Variants in EML6 observed in about 807,000 individuals in gnomAD.
EML6 encodes the protein EMAP like 6, also known as echinoderm microtubule-associated protein-like 6.
A neutral mutation model predicts 240.1 loss-of-function variants in EML6; 154 were observed. The observed-to-expected ratio is 0.64, with a 90% CI of 0.56 to 0.73. The LOEUF is 0.73. EML6 is among the 30% of genes least tolerant of loss of function. EML6 has a pLI of 0.00. For synonymous variants in EML6, 1,148 were observed against 899.0 expected (o/e 1.28, Z -4.95); for missense variants, 2,964 against 2,474.6 (o/e 1.20, Z -4.20).
chr2:54,750,539 C>A (rs917954258), intron 2 of EML6, among the ~76,000 whole-genome samples: 1 of 152,144 alleles, frequency 6.6e-6, no homozygotes, highest in African/African-American at 2.4e-5. Flanking sequence ...GACATCAGAG[C>A]CTACAGGGAC....
intron 26 of EML6, among the ~76,000 whole-genome samples, chr2:54,925,112 T>G (rs1573154579): frequency 6.6e-6 from 1 of 152,164 alleles, no homozygotes; most frequent in South Asian, 2.1e-4. Flanking sequence ...TAAATGAGTT[T>G]ATAAGGGAGG....
chr2:54,937,202 C>T (rs376423545), intron 28 of EML6, among the ~76,000 whole-genome samples: 2 of 151,412 alleles, frequency 1.3e-5, no homozygotes, highest in South Asian at 2.1e-4. Flanking sequence ...TGCTTAAACC[C>T]GGGAGGTGGA....
chr2:54,797,608 A>G (rs1026468466), intron 2 of EML6, among the ~76,000 whole-genome samples: 8 of 131,998 alleles, frequency 6.1e-5, no homozygotes, highest in Admixed American at 4.0e-4. Context: ...AACAACATGT[A>G]GAAAACTTCT....
chr2:54,889,034 A>G (rs1011835710), intron 17 of EML6, among the ~76,000 whole-genome samples: 2 of 152,182 alleles, frequency 1.3e-5, no homozygotes, highest in African/African-American at 4.8e-5. Context: ...GGCATCAAAC[A>G]CCATTTATTT....
intron 2 of EML6, among the ~76,000 whole-genome samples, chr2:54,803,504 C>A (rs183071167): frequency 1.3e-5 from 2 of 152,234 alleles, no homozygotes; most frequent in East Asian, 3.9e-4. Flanking sequence ...TGTTTGTTGT[C>A]ACTTCTATTT....
At chr2:54,871,807 C>CA (rs1558635472) in intron 16 of EML6, among the ~76,000 whole-genome samples, 1 of 152,216 alleles carries the variant, frequency 6.6e-6, no homozygotes, top group East Asian at 1.9e-4. Context: ...AATACCTCAC[C>CA]AAAAAATGTG....
chr2:54,961,184 G>GTTGTTTTTTTGTTTTTTTTTTT, intron 35 of EML6, among the ~76,000 whole-genome samples: 1 of 55,424 alleles, frequency 1.8e-5, no homozygotes, highest in African/African-American at 8.1e-5. Flanking sequence ...TCAGGAAGTA[G>GTTGTTTTTTTGTTTTTTTTTTT]TTTTTTTTTT....
rs963468541 is a variant in EML6 at position 54,801,771 on chromosome 2, T to A, written c.198-11461T>A. On this transcript the variant is annotated intron_variant, in intron 2 of 41. Transcript: ENST00000356458. ...AAAACCAACATCACAAACGTGGTTA[T>A]TATTTTGTAGCTAATTTGGTTAGAA... Among the ~76,000 whole-genome samples the A allele has an allele frequency of 3.9e-5, 6 of 152,246 alleles. No homozygotes were observed. In the South Asian group the frequency reaches 1.0e-3, roughly 26 times the overall value.
At chr2:54,932,134 G>A (rs1421531145) in intron 28 of EML6, among the ~76,000 whole-genome samples, 6 of 152,212 alleles carry the variant, frequency 3.9e-5, no homozygotes, top group South Asian at 4.1e-4. Flanking sequence ...AGGAAGCTGA[G>A]AAGAAATTTA....
intron 14 of EML6, chr2:54,867,937 T>C (rs1368746723): frequency 6.6e-6 from 1 of 152,182 alleles, no homozygotes; most frequent in Non-Finnish European, 1.5e-5. Flanking sequence ...AATTTTTCTG[T>C]GGTCCTAAGA....
At chr2:54,897,130 G>A (rs1672813329) in intron 21 of EML6, among the ~76,000 whole-genome samples, 1 of 152,016 alleles carries the variant, frequency 6.6e-6, no homozygotes, top group South Asian at 2.1e-4. Context: ...AATGTAAATT[G>A]TTTCCATGTA....
chr2:54,807,015 A>AT (rs368282750), intron 2 of EML6, among the ~76,000 whole-genome samples: 243 of 152,350 alleles, frequency 1.6e-3, no homozygotes, highest in Middle Eastern at 0.014. Context: ...CTTTACTGAC[A>AT]TAAATAATAT....
chr2:54,843,301 AC>A (rs1669560790), intron 7 of EML6, among the ~76,000 whole-genome samples: 1 of 152,148 alleles, frequency 6.6e-6, no homozygotes, highest in Non-Finnish European at 1.5e-5. Flanking sequence ...GGTGTTGCAC[AC>A]CTGTAGTCCC....
chr2:54,927,782 C>G (rs527592017), intron 26 of EML6, among the ~76,000 whole-genome samples: 2 of 152,326 alleles, frequency 1.3e-5, no homozygotes, highest in South Asian at 4.1e-4. Context: ...TCAATGTTTG[C>G]GTGTTTGTAT....
intron 2 of EML6, among the ~76,000 whole-genome samples, chr2:54,802,627 CTA>C (rs1670219287): frequency 9.8e-6 from 1 of 102,070 alleles, no homozygotes; most frequent in Non-Finnish European, 2.4e-5. Context: ...CATACTACTA[CTA>C]CTACTACTAC....
intron 2 of EML6, among the ~76,000 whole-genome samples, chr2:54,805,037 C>G (rs1386331447): frequency 1.3e-5 from 2 of 152,104 alleles, no homozygotes; most frequent in East Asian, 3.8e-4. Context: ...TGTCTTGGCT[C>G]CTAACATATG....
intron 2 of EML6, among the ~76,000 whole-genome samples, chr2:54,790,148 T>A (rs1669351125): frequency 6.6e-6 from 1 of 152,216 alleles, no homozygotes; most frequent in Non-Finnish European, 1.5e-5. Context: ...AACTTAGTAA[T>A]GACTAGTGAT....
At chr2:54,903,853 G>A (rs1673182147) in intron 24 of EML6, among the ~76,000 whole-genome samples, 1 of 152,072 alleles carries the variant, frequency 6.6e-6, no homozygotes, top group Non-Finnish European at 1.5e-5. Flanking sequence ...CTCCTGGCTG[G>A]TTTCCCTTTT....
chr2:54,964,827 C>T, intron 38 of EML6, 94 bp downstream of exon 38: 1 of 1,197,100 alleles, frequency 8.4e-7, no homozygotes, highest in Non-Finnish European at 1.2e-6. Context: ...GTGTACCAGG[C>T]AATGTGCTAA....
Sources: allele counts gnomAD v4.1 joint callset (sites outside exome capture counted in the v4.1 genomes callset), GRCh38; gene constraint gnomAD v4.1.1; transcripts MANE v1.5; gene names NCBI Gene and HGNC (gene_info 2026-07-23, HGNC 2026-07-21).